Variants in CFAP263 observed in about 807,000 individuals in gnomAD.
The protein encoded by CFAP263 is cilia and flagella associated protein 263.
chr16:58,278,345 C>A, the CFAP263 span: 1 of 781,414 alleles, frequency 1.3e-6, no homozygotes, highest in Non-Finnish European at 2.0e-6. Flanking sequence ...ATTCCCACCC[C>A]TCCCCAACCT....
the CFAP263 span, among the ~76,000 whole-genome samples, chr16:58,260,168 G>A: frequency 6.6e-6 from 1 of 152,142 alleles, no homozygotes; most frequent in Non-Finnish European, 1.5e-5. Context: ...CCTTATCAGT[G>A]GGAAGCAGGA....
chr16:58,258,823 A>T, the CFAP263 span, among the ~76,000 whole-genome samples: 2 of 152,018 alleles, frequency 1.3e-5, no homozygotes, highest in African/African-American at 4.8e-5. Flanking sequence ...TACTAAAAAT[A>T]CAAAAATTAG....
chr16:58,250,213 C>T, the CFAP263 span: 1 of 653,170 alleles, frequency 1.5e-6, no homozygotes, highest in East Asian at 2.9e-5. Context: ...AGATCCAAGC[C>T]CTCACTGAGC....
chr16:58,273,296 C>G, the CFAP263 span, among the ~76,000 whole-genome samples: 2 of 152,144 alleles, frequency 1.3e-5, no homozygotes, highest in Non-Finnish European at 2.9e-5. Context: ...TCTTTTCTCT[C>G]TCTGTTACTC....
the CFAP263 span, among the ~76,000 whole-genome samples, chr16:58,265,457 C>G: frequency 6.6e-6 from 1 of 152,174 alleles, no homozygotes; most frequent in Non-Finnish European, 1.5e-5. Flanking sequence ...AGAGGGGCCT[C>G]TGGGAGCTGA....
the CFAP263 span, chr16:58,278,486 G>A: frequency 5.7e-5 from 92 of 1,613,800 alleles, 1 homozygote; most frequent in South Asian, 5.5e-4. Flanking sequence ...ACCCAGGACC[G>A]GGCCAAAGCC....
the CFAP263 span, chr16:58,260,035 C>T: frequency 1.5e-6 from 1 of 688,674 alleles, no homozygotes; most frequent in East Asian, 2.7e-5. Flanking sequence ...ATATCCTAAA[C>T]CCTGGAATCT....
the CFAP263 span, chr16:58,262,532 G>A: frequency 6.2e-7 from 1 of 1,605,064 alleles, no homozygotes; most frequent in Non-Finnish European, 8.5e-7. Context: ...GGTTCTCAAT[G>A]CCTACAAAGT....
the CFAP263 span, chr16:58,278,473 C>A: frequency 6.2e-7 from 1 of 1,613,470 alleles, no homozygotes; most frequent in Non-Finnish European, 8.5e-7. Context: ...CTGGTCCTTC[C>A]CAACCCAGGA....
the CFAP263 span, among the ~76,000 whole-genome samples, chr16:58,257,845 T>A: frequency 6.6e-6 from 1 of 152,100 alleles, no homozygotes; most frequent in Non-Finnish European, 1.5e-5. Flanking sequence ...CGGTGGCTCA[T>A]GCCTGTAGTC....
the CFAP263 span, among the ~76,000 whole-genome samples, chr16:58,276,354 T>G: frequency 6.6e-6 from 1 of 152,308 alleles, no homozygotes; most frequent in Non-Finnish European, 1.5e-5. Flanking sequence ...ATTGTCTTGA[T>G]TATTATAAAG....
chr16:58,257,811 TTAGA>T, the CFAP263 span, among the ~76,000 whole-genome samples: 1 of 152,116 alleles, frequency 6.6e-6, no homozygotes, highest in Non-Finnish European at 1.5e-5. Flanking sequence ...AAATACATAT[TTAGA>T]TAGATAGCTT....
At chr16:58,258,992 A>T in the CFAP263 span, among the ~76,000 whole-genome samples, 1 of 149,306 alleles carries the variant, frequency 6.7e-6, no homozygotes, top group Non-Finnish European at 1.5e-5. Context: ...AAAATAAATA[A>T]ATAAATAAAT....
the CFAP263 span, chr16:58,279,893 C>A: frequency 1.2e-6 from 1 of 836,140 alleles, no homozygotes. Context: ...CAACCCCCCA[C>A]CCAGGCTGCG....
the CFAP263 span, chr16:58,281,322 G>C: frequency 6.4e-6 from 1 of 157,204 alleles, no homozygotes; most frequent in Non-Finnish European, 1.4e-5. Flanking sequence ...ATGGGACCCT[G>C]GCAAGTGACC....
chr16:58,252,778 C>T, the CFAP263 span: 14 of 1,612,722 alleles, frequency 8.7e-6, no homozygotes, highest in African/African-American at 2.7e-5. Flanking sequence ...AGAAATATTA[C>T]GCTAAACTGG....
chr16:58,269,719 A>C, the CFAP263 span, among the ~76,000 whole-genome samples: 1 of 152,248 alleles, frequency 6.6e-6, no homozygotes, highest in Middle Eastern at 3.4e-3. Flanking sequence ...TTATTTATCC[A>C]TTCATCAGTT....
At chr16:58,259,750 G>A in the CFAP263 span, 1 of 619,282 alleles carries the variant, frequency 1.6e-6, no homozygotes, top group Non-Finnish European at 2.8e-6. Flanking sequence ...AGAATGTTAG[G>A]GCTCAAGGTT....
At chr16:58,259,654 CA>C in the CFAP263 span, among the ~76,000 whole-genome samples, 3 of 152,112 alleles carry the variant, frequency 2.0e-5, no homozygotes, top group Non-Finnish European at 4.4e-5. Context: ...TTGCATGGTG[CA>C]AAACCAGTGT....
Sources: gnomAD v4.1 joint callset for allele counts (sites outside exome capture counted in the v4.1 genomes callset) on GRCh38, gnomAD v4.1.1 for gene constraint, MANE v1.5 for transcripts, NCBI Gene and HGNC (gene_info 2026-07-23, HGNC 2026-07-21) for gene names.